SMARCA2: variants seen among roughly 807,000 people sequenced by gnomAD.
The protein encoded by SMARCA2 is SWI/SNF related BAF chromatin remodeling complex subunit ATPase 2, also known as SWI/SNF-related matrix-associated actin-dependent regulator of chromatin subfamily A member 2.
A neutral mutation model predicts 199.8 loss-of-function variants in SMARCA2; 61 were observed. The ratio of observed to expected loss-of-function variants is 0.31; its 90% confidence interval spans 0.25 to 0.38. The LOEUF (loss-of-function observed/expected upper bound fraction) is 0.38, where lower values mean the gene tolerates loss of function less well. Among genes scored for constraint, SMARCA2 ranks in the 10% least tolerant of loss-of-function variants. SMARCA2 has a pLI of 1.00. For synonymous variants in SMARCA2, 935 were observed against 732.0 expected, an observed-to-expected ratio of 1.28 and a Z score of -4.48; for missense variants, 1,344 against 2,012.2, an observed-to-expected ratio of 0.67 and a Z score of 6.35.
intron 23 of SMARCA2, among the ~76,000 whole-genome samples, chr9:2,107,665 A>G (rs1418093058): frequency 6.6e-6 from 1 of 152,136 alleles, no homozygotes; most frequent in Non-Finnish European, 1.5e-5. Flanking sequence ...TGTTTGCTTG[A>G]GGTATCTGTT....
At chr9:2,188,040 TATATTA>T (rs1827608693) in intron 32 of SMARCA2, among the ~76,000 whole-genome samples, 1 of 152,198 alleles carries the variant, frequency 6.6e-6, no homozygotes, top group African/African-American at 2.4e-5. Flanking sequence ...CCTTTTCAAA[TATATTA>T]AAAGTATAGA....
chr9:2,147,145 A>G (rs1345594229), intron 27 of SMARCA2, among the ~76,000 whole-genome samples: 1 of 151,888 alleles, frequency 6.6e-6, no homozygotes, highest in Non-Finnish European at 1.5e-5. Flanking sequence ...AGAAGTGTTT[A>G]AGATCTGAGC....
Position 2,083,331 on chromosome 9 carries a change from T to G in SMARCA2, c.2349-16T>G. The G allele has an allele frequency of 6.5e-7, 1 of 1,531,690 alleles. No individual in the cohort carries two copies. Among genetic ancestry groups the G allele is most frequent in the Non-Finnish European group, 8.8e-7 (1 of 1,134,798 alleles). The allele number at this position is 1,531,690 out of a possible 1,614,324, so 94.9% of individuals were successfully genotyped here. A position where few individuals can be genotyped will look rare whatever the true frequency, so the allele number is the denominator to read the frequency against. On this transcript the variant is annotated splice_polypyrimidine_tract_variant and intron_variant, in intron 15 of 33. Transcript: ENST00000349721. The stretch of plus-strand genomic sequence containing the variant: ...CAAATGTCTTTTTTCTGTTGTTTTT[T>G]TTTTTTGTTCCATAGGACTCTATCT...
chr9:2,023,085 G>A (rs2130141149), intron 1 of SMARCA2, among the ~76,000 whole-genome samples: 1 of 152,310 alleles, frequency 6.6e-6, no homozygotes, highest in Non-Finnish European at 1.5e-5. Flanking sequence ...AAGAGGCCAT[G>A]AAATTGCATC....
At chr9:2,184,852 C>G (rs1303594455) in intron 31 of SMARCA2, among the ~76,000 whole-genome samples, 2 of 151,472 alleles carry the variant, frequency 1.3e-5, no homozygotes, top group African/African-American at 2.4e-5. Context: ...GTCCCATCCT[C>G]TCTCTCTCTC....
rs536239989 is a variant in SMARCA2, at chr9:2,132,817, TAATAAA to T, written c.3981+8882_3981+8887del. ...AATTGTTTGGAAAAATACTTGATAG[TAATAAA>T]ATAATTTTAAGAACTTTGTATAATT... On this transcript the variant is annotated intron_variant, in intron 27 of 33. Coordinates refer to ENST00000349721, the MANE Select transcript of SMARCA2 (RefSeq NM_003070.5). Among the ~76,000 whole-genome samples the T allele has an allele frequency of 5.5e-4, 83 of 152,234 alleles. 1 individual carries two copies. The highest frequency in any genetic ancestry group is 4.7e-4 in the Non-Finnish European group (32 of 68,044).
chr9:2,150,028 G>T (rs144177883), intron 27 of SMARCA2, among the ~76,000 whole-genome samples: 16 of 151,596 alleles, frequency 1.1e-4, no homozygotes, highest in African/African-American at 3.6e-4. Context: ...GTGCATCTAT[G>T]TGTATTTATG....
chr9:2,054,468 G>C (rs78191733), intron 5 of SMARCA2, 129 bp from the exon 6 acceptor site: 2 of 1,120,600 alleles, frequency 1.8e-6, no homozygotes, highest in East Asian at 2.4e-5. Flanking sequence ...GGGTGTTAGA[G>C]ATCAACTATC....
intron 4 of SMARCA2, chr9:2,044,228 G>T (rs1441880336): frequency 6.6e-6 from 1 of 152,222 alleles, no homozygotes; most frequent in Non-Finnish European, 1.5e-5. Context: ...TATACAATCT[G>T]TCGGAGGGAA....
chr9:2,143,120 C>T (rs899963811), intron 27 of SMARCA2, among the ~76,000 whole-genome samples: 3 of 152,104 alleles, frequency 2.0e-5, no homozygotes, highest in Non-Finnish European at 2.9e-5. Flanking sequence ...GAGGGAACTG[C>T]GTAGGATGTT....
At chr9:2,107,904 A>G (rs1055193935) in intron 23 of SMARCA2, among the ~76,000 whole-genome samples, 1 of 152,080 alleles carries the variant, frequency 6.6e-6, no homozygotes, top group Admixed American at 6.6e-5. Context: ...CACCAAGCAT[A>G]AAGATGGAAG....
chr9:2,023,313 G>A (rs2130142325), intron 1 of SMARCA2, among the ~76,000 whole-genome samples: 2 of 152,258 alleles, frequency 1.3e-5, no homozygotes, highest in East Asian at 3.9e-4. Context: ...TTTAAAGTGA[G>A]GGTAGCAGCT....
At position 2,170,750 on chromosome 9, in the gene SMARCA2, A is replaced by G. The variant is rs905072522; in HGVS notation, c.4253+278A>G. Among the ~76,000 whole-genome samples the G allele has an allele frequency of 1.3e-5, 2 of 152,168 alleles. No individual in the cohort carries two copies. The highest frequency in any genetic ancestry group is 4.8e-5 in the African/African-American group (2 of 41,440). On this transcript the variant is annotated intron_variant, in intron 29 of 33. Transcript: ENST00000349721. The surrounding 1 kb of genome is among the most constrained non-coding windows in gnomAD (Gnocchi z 4.7). ...CTGGAAAGCCCGCCCTAACTGCAGCATCTTGGAGATGGGTTTCTGTTGCTT... is the reference window on the plus strand; with the variant it reads ...CTGGAAAGCCCGCCCTAACTGCAGCGTCTTGGAGATGGGTTTCTGTTGCTT...
intron 3 of SMARCA2, among the ~76,000 whole-genome samples, chr9:2,034,457 T>C (rs1401716889): frequency 6.6e-6 from 1 of 152,214 alleles, no homozygotes; most frequent in East Asian, 1.9e-4. Context: ...TCAAAGCCTT[T>C]TAATACAATG....
At chr9:2,114,649 C>G (rs909645615) in intron 24 of SMARCA2, among the ~76,000 whole-genome samples, 1 of 152,104 alleles carries the variant, frequency 6.6e-6, no homozygotes, top group Admixed American at 6.5e-5. Context: ...GTTTTTATTA[C>G]GTAGCTATAA....
At chr9:2,050,257 CTT>C (rs1186828461) in intron 5 of SMARCA2, among the ~76,000 whole-genome samples, 1 of 152,036 alleles carries the variant, frequency 6.6e-6, no homozygotes, top group Non-Finnish European at 1.5e-5. Flanking sequence ...TTTTGACCAT[CTT>C]TCTCTTATAA....
At chr9:2,096,858 C>T in intron 20 of SMARCA2, 94 bp downstream of exon 20, 1 of 806,106 alleles carries the variant, frequency 1.2e-6, no homozygotes. Flanking sequence ...CCTGCTAATG[C>T]TGATTTGTTA....
At chr9:2,159,992 C>T in intron 27 of SMARCA2, 1 of 1,530,552 alleles carries the variant, frequency 6.5e-7, no homozygotes, top group Non-Finnish European at 8.8e-7. Context: ...ACATCAAAAG[C>T]CGGTGTTCTC....
chr9:2,068,922 TG>T (rs1441435333), intron 9 of SMARCA2: 1 of 151,906 alleles, frequency 6.6e-6, no homozygotes, highest in East Asian at 1.9e-4. Context: ...CATAACCTTT[TG>T]TTTTTTTTTT....
Sources: allele counts gnomAD v4.1 joint callset (sites outside exome capture counted in the v4.1 genomes callset), GRCh38; gene constraint gnomAD v4.1.1; non-coding constraint Gnocchi (gnomAD v3.1); transcripts MANE v1.5; gene names NCBI Gene and HGNC (gene_info 2026-07-23, HGNC 2026-07-21).